The following LARP7 variants were observed in gnomAD, a reference collection of about 807,000 sequenced individuals.
LARP7 encodes la-related protein 7.
Under a neutral mutation model 69.3 loss-of-function variants are expected in LARP7, and 52 were observed. The ratio of observed to expected loss-of-function variants is 0.75; its 90% CI spans 0.60 to 0.95. LARP7 has a LOEUF of 0.95. Ranked by LOEUF, LARP7 falls within the 40% of genes least tolerant of loss-of-function variation. The pLI, the probability that LARP7 is intolerant of heterozygous loss-of-function variation, is 0.00. For missense variants in LARP7, 733 were observed against 673.0 expected, an observed-to-expected ratio of 1.09 and a Z score of -0.99; for synonymous variants, 254 against 215.9, an observed-to-expected ratio of 1.18 and a Z score of -1.55.
At chr4:112,651,072 A>G (rs1313298241) in intron 10 of LARP7, among the ~76,000 whole-genome samples, 5 of 152,188 alleles carry the variant, frequency 3.3e-5, no homozygotes, top group Non-Finnish European at 7.3e-5. Flanking sequence ...ATTGGTAGCA[A>G]TACTTTCTAT....
intron 2 of LARP7, 24 bp from the exon 3 acceptor site, chr4:112,646,327 T>TATTA (rs760193404): frequency 8.7e-7 from 1 of 1,152,310 alleles, no homozygotes; most frequent in African/African-American, 1.5e-5. Context: ...TACACTAACA[T>TATTA]ATTAACTTTT....
At position 112,647,118 on chromosome 4, in the gene LARP7, A is replaced by C. The variant is rs750843501; in HGVS notation, c.637A>C (p.Arg213=). 1 of 1,607,284 alleles carries C rather than the reference A, an allele frequency of 6.2e-7. No homozygotes were observed. The highest frequency in any genetic ancestry group is 2.2e-5 in the East Asian group (1 of 44,876). ...TVKNKPIPAL[R]VVEEKKKKKK... ...GAAAAATAAGCCCATTCCAGCCTTA[A>C]GAGTTGTGGGTGAGTATTTTTCAAT... The change falls in exon 6 of 13, where the codon AGA becomes CGA. Residue 213 remains arginine (R), a synonymous_variant. Transcript: ENST00000344442.
In LARP7 at chr4:112,646,577, C is replaced by G; in HGVS notation, c.304-11C>G. Reference sequence around the variant, plus strand: ...ATATTAGTTTTATTAATGTAATATACTATTTTAAAGCTTGATTTGGAAGGC... The same window carrying G: ...ATATTAGTTTTATTAATGTAATATAGTATTTTAAAGCTTGATTTGGAAGGC... On this transcript the variant is annotated splice_polypyrimidine_tract_variant and intron_variant, in intron 3 of 12. Transcript: ENST00000344442. 4.7e-6 allele frequency: 7 copies of G among 1,503,286 alleles called. No individual in the cohort carries two copies. The highest frequency in any genetic ancestry group is 6.3e-6 in the Non-Finnish European group (7 of 1,112,260). The allele number at this position is 1,503,286 out of a possible 1,614,324, so 93.1% of individuals were successfully genotyped here. A position where few individuals can be genotyped will look rare whatever the true frequency, so the allele number is the denominator to read the frequency against.
At chr4:112,650,839 CTTA>C (rs1361676705) in intron 10 of LARP7, among the ~76,000 whole-genome samples, 2 of 152,048 alleles carry the variant, frequency 1.3e-5, no homozygotes, top group Non-Finnish European at 2.9e-5. Flanking sequence ...GTAACTTTTG[CTTA>C]TTTTTATTGG....
At position 112,657,336 on chromosome 4, in the gene LARP7, A is replaced by G; in HGVS notation, c.*9A>G. The G allele has an allele frequency of 6.7e-7, 1 of 1,490,524 alleles. No homozygotes were observed. The highest frequency in any genetic ancestry group is 1.3e-5 in the South Asian group (1 of 79,914). 92.3% of individuals were successfully genotyped at this position (1,490,524 alleles called of 1,614,324 possible). A position where few individuals can be genotyped will look rare whatever the true frequency, so the allele number is the denominator to read the frequency against. ...TTTCTGAATATGATTGAAAAAAAAA[A>G]CAGTTCACCTCTTAATACTTCACAA... On this transcript the variant is annotated 3_prime_UTR_variant, in exon 13 of 13. Coordinates refer to ENST00000344442, the MANE Select transcript of LARP7 (RefSeq NM_016648.4).
At chr4:112,638,055 GGAGGCCGACGCGGGAGGATCACTT>G (rs2047763734) in intron 1 of LARP7, 1 of 152,354 alleles carries the variant, frequency 6.6e-6, no homozygotes, top group South Asian at 2.1e-4. Context: ...CAGCACTTTG[GGAGGCCGACGCGGGAGGATCACTT>G]GAGGTCAGGA....
chr4:112,644,392 G>T, intron 1 of LARP7: 1 of 722,122 alleles, frequency 1.4e-6, no homozygotes, highest in East Asian at 3.4e-5. Flanking sequence ...GCAGCTTAGT[G>T]AGATAAAGGT....
At chr4:112,641,990 T>C (rs80146296) in intron 1 of LARP7, among the ~76,000 whole-genome samples, 3 of 152,222 alleles carry the variant, frequency 2.0e-5, no homozygotes, top group Non-Finnish European at 4.4e-5. Context: ...TTAGGCATCA[T>C]GTAAAGGTGT....
At chr4:112,652,729 A>G (rs1432299058) in intron 10 of LARP7, among the ~76,000 whole-genome samples, 1 of 147,884 alleles carries the variant, frequency 6.8e-6, no homozygotes, top group Non-Finnish European at 1.5e-5. Flanking sequence ...TTTATTCCTT[A>G]TACTACTCCC....
At chr4:112,644,919 T>A in intron 2 of LARP7, 48 bp downstream of exon 2, 2 of 852,246 alleles carry the variant, frequency 2.3e-6, no homozygotes, top group Non-Finnish European at 3.5e-6. Flanking sequence ...TGGTTGCCTT[T>A]AAATTTACTT....
chr4:112,640,001 C>T (rs368832358), intron 1 of LARP7, among the ~76,000 whole-genome samples: 4 of 152,164 alleles, frequency 2.6e-5, no homozygotes, highest in East Asian at 1.9e-4. Context: ...TGCAGTGGTA[C>T]GATCTCGAAT....
At chr4:112,638,512 A>G (rs2047805787) in intron 1 of LARP7, among the ~76,000 whole-genome samples, 1 of 152,202 alleles carries the variant, frequency 6.6e-6, no homozygotes, top group African/African-American at 2.4e-5. Context: ...TGTCCTGAGC[A>G]GTATTTATTA....
chr4:112,653,671 A>G (rs1306371015), intron 11 of LARP7, among the ~76,000 whole-genome samples: 1 of 151,998 alleles, frequency 6.6e-6, no homozygotes, highest in African/African-American at 2.4e-5. Flanking sequence ...TTTAATAGAG[A>G]CGGGGTTTCT....
chr4:112,653,015 GTT>G lies in LARP7; in HGVS notation c.1417-59_1417-58del, dbSNP rs2048814373. ...ATATTCTGGCATAACCATTGGAATAGTTTTAGAATTATTGTGAAACTTTTTAA... is the reference window on the plus strand; with the variant it reads ...ATATTCTGGCATAACCATTGGAATAGTTAGAATTATTGTGAAACTTTTTAA... On this transcript the variant is annotated intron_variant, in intron 10 of 12. Transcript: ENST00000344442. 8.9e-6 allele frequency: 12 copies of G among 1,342,764 alleles called. No homozygotes were observed. The Middle Eastern group carries it at 8.9e-4, about 100-fold the overall frequency. 83.2% of individuals were successfully genotyped at this position (1,342,764 alleles called of 1,614,324 possible).
At chr4:112,648,647 T>C (rs1340394146) in intron 8 of LARP7, 6 of 420,184 alleles carry the variant, frequency 1.4e-5, no homozygotes. Flanking sequence ...GAAAAAAATT[T>C]TTTTACCTTC....
At chr4:112,639,208 C>CT (rs1160467036) in intron 1 of LARP7, among the ~76,000 whole-genome samples, 9,732 of 132,356 alleles carry the variant, frequency 0.074, 516 homozygotes, top group Middle Eastern at 0.11. Context: ...TTAAATGTTA[C>CT]TTTTTTTTTT....
At chr4:112,643,227 A>G (rs1364533385) in intron 1 of LARP7, among the ~76,000 whole-genome samples, 1 of 152,222 alleles carries the variant, frequency 6.6e-6, no homozygotes, top group African/African-American at 2.4e-5. Context: ...GCTATGAACA[A>G]AAATAAGGCA....
intron 10 of LARP7, 53 bp downstream of exon 10, chr4:112,650,635 C>T: frequency 6.5e-7 from 1 of 1,534,354 alleles, no homozygotes; most frequent in Non-Finnish European, 8.8e-7. Context: ...TTATTATTTC[C>T]CTGTGTGAAA....
At position 112,653,087 on chromosome 4, in the gene LARP7, C is replaced by T. The variant is rs756863241; in HGVS notation, c.1427C>T (p.Ala476Val). The T allele has an allele frequency of 6.9e-6, 11 of 1,584,822 alleles. No individual in the cohort carries two copies. The South Asian group carries it at 9.4e-5, about 14-fold the overall frequency. ...PGRKQVRDTL[A>V]AISEVLYVDL... ...TTAACTCTAATGCAGGATACTTTGG[C>T]AGCAATCTCAGAAGTTCTTTATGTT... The change falls in exon 11 of 13, where the codon GCA (alanine) becomes GTA (valine). Residue 476 changes from alanine (A) to valine (V), a missense_variant. By Grantham distance (64) the Ala-to-Val change is moderately conservative. Coordinates refer to ENST00000344442, the MANE Select transcript of LARP7 (RefSeq NM_016648.4).
Sources: allele counts gnomAD v4.1 joint callset (sites outside exome capture counted in the v4.1 genomes callset), GRCh38; gene constraint gnomAD v4.1.1; transcripts MANE v1.5; gene names NCBI Gene and HGNC (gene_info 2026-07-23, HGNC 2026-07-21).